AHCY: variants seen among roughly 807,000 people sequenced by gnomAD.
AHCY encodes S-adenosyl-L-homocysteine hydrolase.
A neutral mutation model predicts 45.4 loss-of-function variants in AHCY; 24 were observed. The ratio of observed to expected loss-of-function variants is 0.53; its 90% CI spans 0.38 to 0.74. The LOEUF is 0.74. AHCY is among the 30% of genes least tolerant of loss of function. The probability of loss-of-function intolerance (pLI) is 0.00; values close to 1 mark genes in which losing one functional copy is unlikely to be tolerated. For synonymous variants in AHCY, 245 were observed against 235.1 expected (o/e 1.04, Z -0.39); for missense variants, 449 against 594.1 (o/e 0.76, Z 2.54).
the AHCY span, among the ~76,000 whole-genome samples, chr20:34,248,777 G>A: frequency 6.6e-6 from 1 of 152,124 alleles, no homozygotes; most frequent in African/African-American, 2.4e-5. Context: ...TCCAGCCTGG[G>A]TGACAGAGCA....
the AHCY span, chr20:34,260,479 C>G: frequency 1.2e-6 from 2 of 1,613,968 alleles, no homozygotes; most frequent in African/African-American, 2.7e-5. Context: ...ATGACAGGAG[C>G]CTGAGAAGCA....
At position 34,302,857 on chromosome 20, in the gene AHCY, G is replaced by C. The variant is rs60847955; in HGVS notation, c.28+386C>G. 0.02 allele frequency: 19,340 copies of C among 985,378 alleles called. 2,889 individuals carry two copies. In the African/African-American group the frequency reaches 0.31, roughly 16 times the overall value. 61.0% of individuals were successfully genotyped at this position (985,378 alleles called of 1,614,324 possible). On this transcript the variant is annotated intron_variant, in intron 1 of 9. Coordinates refer to ENST00000217426, the MANE Select transcript of AHCY (RefSeq NM_000687.4). Reference sequence around the variant, plus strand: ...CCAGAGAGGGGTGGACGCTCGTCGGGGCCGCCCAGCTGGACAGGGTCCGGT... The same window carrying C: ...CCAGAGAGGGGTGGACGCTCGTCGGCGCCGCCCAGCTGGACAGGGTCCGGT...
At chr20:34,249,003 C>T in the AHCY span, among the ~76,000 whole-genome samples, 3 of 151,146 alleles carry the variant, frequency 2.0e-5, no homozygotes, top group African/African-American at 4.9e-5. Context: ...GTGGCACATG[C>T]CTGTAGTCCC....
In AHCY at chr20:34,280,724, G is replaced by A. The variant is rs1568781932; in HGVS notation, c.*310C>T. On this transcript the variant is annotated 3_prime_UTR_variant, in exon 10 of 10. Coordinates refer to ENST00000217426, the MANE Select transcript of AHCY (RefSeq NM_000687.4). ...AGATGGCAAAACACATGGGCTTTGT[G>A]ACTCCACTACTGACTTCCAGGCTAA... 3 of 430,874 alleles carry A rather than the reference G, an allele frequency of 7.0e-6. No homozygotes were observed. The highest frequency in any genetic ancestry group is 1.3e-5 in the Non-Finnish European group (3 of 229,656). 26.7% of individuals were successfully genotyped at this position (430,874 alleles called of 1,614,324 possible).
chr20:34,271,526 C>T, the AHCY span, among the ~76,000 whole-genome samples: 236 of 150,364 alleles, frequency 1.6e-3, 4 homozygotes, highest in East Asian at 0.031. Context: ...TAGCCTTAAA[C>T]TTGTGCCCAA....
the AHCY span, among the ~76,000 whole-genome samples, chr20:34,257,008 C>G: frequency 6.6e-6 from 1 of 151,874 alleles, no homozygotes; most frequent in South Asian, 2.1e-4. Context: ...CTTTACTTTC[C>G]TTGTTTTTTA....
chr20:34,236,748 C>T, the AHCY span, among the ~76,000 whole-genome samples: 18 of 152,194 alleles, frequency 1.2e-4, no homozygotes, highest in Non-Finnish European at 2.1e-4. Context: ...AGTGCTGATA[C>T]GAAGGCAGCT....
At chr20:34,245,025 CA>C in the AHCY span, among the ~76,000 whole-genome samples, 1 of 151,850 alleles carries the variant, frequency 6.6e-6, no homozygotes, top group African/African-American at 2.4e-5. Flanking sequence ...CCGGGTTTTT[CA>C]AAAAATAAAA....
chr20:34,281,738 G>A (rs745487125), intron 9 of AHCY: 45 of 173,970 alleles, frequency 2.6e-4, no homozygotes, highest in Non-Finnish European at 1.4e-4. Context: ...GCACGATCTC[G>A]GCTCACTGCA....
At chr20:34,303,010 G>A (rs191924267) in intron 1 of AHCY, 6 of 985,386 alleles carry the variant, frequency 6.1e-6, no homozygotes, top group East Asian at 1.1e-4. Flanking sequence ...ACCGCGCGGC[G>A]GCCCCGGCGT....
At chr20:34,262,597 G>A in the AHCY span, among the ~76,000 whole-genome samples, 4,454 of 152,240 alleles carry the variant, frequency 0.029, 253 homozygotes, top group African/African-American at 0.1. Flanking sequence ...GTGCCTGCTT[G>A]GATTTCCCAT....
the AHCY span, chr20:34,246,510 C>A: frequency 8.0e-7 from 1 of 1,256,398 alleles, no homozygotes; most frequent in Non-Finnish European, 1.2e-6. Context: ...CCTTTGCAAT[C>A]AGCCCCACTG....
intron 5 of AHCY, among the ~76,000 whole-genome samples, chr20:34,291,172 T>C (rs1203939446): frequency 6.6e-6 from 1 of 152,232 alleles, no homozygotes; most frequent in Non-Finnish European, 1.5e-5. Flanking sequence ...CATCAGTTAC[T>C]AGGAGAGATT....
downstream of AHCY, among the ~76,000 whole-genome samples, chr20:34,277,751 T>C (rs2035920828): frequency 1.1e-5 from 1 of 89,788 alleles, no homozygotes; most frequent in African/African-American, 5.5e-5. Flanking sequence ...CAAGACTCCA[T>C]CTCAAAAAAA....
chr20:34,303,862 GGC>G (rs1489543331), upstream of AHCY, among the ~76,000 whole-genome samples: 1 of 152,174 alleles, frequency 6.6e-6, no homozygotes, highest in Non-Finnish European at 1.5e-5. Context: ...CGGGCGTGGT[GGC>G]GCGCGCTTGT....
At chr20:34,298,605 C>CGGGGGGGGGGGGGGGGGGG (rs1469112892) in intron 1 of AHCY, among the ~76,000 whole-genome samples, 1 of 31,266 alleles carries the variant, frequency 3.2e-5, no homozygotes, top group Non-Finnish European at 6.7e-5. Flanking sequence ...GTGGCGGCGG[C>CGGGGGGGGGGGGGGGGGGG]GGGAGGGGGG....
chr20:34,253,524 G>T, the AHCY span, among the ~76,000 whole-genome samples: 1 of 151,504 alleles, frequency 6.6e-6, no homozygotes, highest in Non-Finnish European at 1.5e-5. Context: ...CCAGGCCGGA[G>T]TGCAATGGCA....
At chr20:34,300,996 C>T (rs2036750827) in intron 1 of AHCY, among the ~76,000 whole-genome samples, 1 of 152,170 alleles carries the variant, frequency 6.6e-6, no homozygotes, top group African/African-American at 2.4e-5. Context: ...CAACTGTTTA[C>T]CGACCATATC....
At chr20:34,310,724 A>G (rs929793966) in intron 1 of AHCY, among the ~76,000 whole-genome samples, 6 of 152,266 alleles carry the variant, frequency 3.9e-5, no homozygotes, top group Admixed American at 3.3e-4. Flanking sequence ...TTATCTAACA[A>G]TATAGAATGA....
Sources: gnomAD v4.1 joint callset for allele counts (sites outside exome capture counted in the v4.1 genomes callset) on GRCh38, gnomAD v4.1.1 for gene constraint, MANE v1.5 for transcripts, NCBI Gene and HGNC (gene_info 2026-07-23, HGNC 2026-07-21) for gene names.